CRISPLD2: variants seen among roughly 807,000 people sequenced by gnomAD.
CRISPLD2 encodes the protein cysteine rich secretory protein LCCL domain containing 2, also known as cysteine-rich secretory protein LCCL domain-containing 2.
CRISPLD2 carries 47 observed loss-of-function variants against 71.1 expected under a neutral mutation model. That is an observed-to-expected ratio of 0.66 (90% CI 0.52 to 0.84). CRISPLD2 has a LOEUF of 0.84. CRISPLD2 is among the 40% of genes least tolerant of loss of function. The pLI, the probability that CRISPLD2 is intolerant of heterozygous loss-of-function variation, is 0.00. For missense variants in CRISPLD2, 830 were observed against 651.1 expected, an observed-to-expected ratio of 1.27 and a Z score of -2.99; for synonymous variants, 317 against 250.1, an observed-to-expected ratio of 1.27 and a Z score of -2.52.
At chr16:84,858,086 G>T (rs1359616768) in intron 6 of CRISPLD2, among the ~76,000 whole-genome samples, 3 of 152,188 alleles carry the variant, frequency 2.0e-5, no homozygotes, top group Admixed American at 2.0e-4. Flanking sequence ...GAAGATGGCA[G>T]GGCCTTACTC....
chr16:84,849,268 T>A lies in CRISPLD2; in HGVS notation c.360-117T>A, dbSNP rs1055226201. ...CGGCTGCCCGTGGCTGCTCCTGGAA[T>A]TGGCCGCTATTCACCCTCCTCGGCC... On this transcript the variant is annotated intron_variant, in intron 3 of 14. Coordinates refer to ENST00000262424, the MANE Select transcript of CRISPLD2 (RefSeq NM_031476.4). The A allele has an allele frequency of 7.1e-6, 7 of 980,850 alleles. No individual in the cohort carries two copies. The African/African-American group carries it at 9.7e-5, about 14-fold the overall frequency. 60.8% of individuals were successfully genotyped at this position (980,850 alleles called of 1,614,324 possible).
chr16:84,857,180 A>T (rs1172552048), intron 6 of CRISPLD2, among the ~76,000 whole-genome samples: 1 of 152,202 alleles, frequency 6.6e-6, no homozygotes, highest in Non-Finnish European at 1.5e-5. Context: ...GTGGAGGTCC[A>T]TGTTGCTGAG....
chr16:84,847,166 G>A (rs539652066), intron 3 of CRISPLD2, among the ~76,000 whole-genome samples: 5 of 152,190 alleles, frequency 3.3e-5, no homozygotes, highest in Non-Finnish European at 5.9e-5. Context: ...GTAGGTGAGC[G>A]TTTGCTTTCA....
At chr16:84,825,116 A>G (rs1427462444) in intron 1 of CRISPLD2, among the ~76,000 whole-genome samples, 2 of 152,120 alleles carry the variant, frequency 1.3e-5, no homozygotes, top group East Asian at 3.9e-4. Flanking sequence ...CAAAACAAAA[A>G]CAAAATATGT....
chr16:84,845,576 A>G (rs1916889413), intron 2 of CRISPLD2, among the ~76,000 whole-genome samples: 1 of 152,256 alleles, frequency 6.6e-6, no homozygotes, highest in African/African-American at 2.4e-5. Flanking sequence ...CTGGCAAGTT[A>G]GAGGCCCAGC....
At chr16:84,836,280 A>G (rs1367060592) in intron 1 of CRISPLD2, 2 of 152,024 alleles carry the variant, frequency 1.3e-5, no homozygotes, top group Non-Finnish European at 2.9e-5. Context: ...CGCACTCTCA[A>G]CCTCAACCCA....
intron 14 of CRISPLD2, among the ~76,000 whole-genome samples, chr16:84,893,167 G>C (rs2934476): frequency 0.62 from 93,420 of 151,690 alleles, 29,762 homozygotes; most frequent in East Asian, 0.87. Context: ...TGCTCCCCCA[G>C]TCCCCAGCAG....
chr16:84,896,430 T>C (rs111263361), intron 14 of CRISPLD2, among the ~76,000 whole-genome samples: 133 of 152,248 alleles, frequency 8.7e-4, no homozygotes, highest in African/African-American at 2.4e-3. Context: ...ACAGACAGTC[T>C]TAGACACTTA....
At chr16:84,891,631 G>A (rs939754938) in intron 14 of CRISPLD2, among the ~76,000 whole-genome samples, 1 of 128,336 alleles carries the variant, frequency 7.8e-6, no homozygotes, top group Non-Finnish European at 1.6e-5. Flanking sequence ...CTCTTTGAGA[G>A]AAAACAGTCT....
At chr16:84,827,495 G>A (rs1214383013) in intron 1 of CRISPLD2, among the ~76,000 whole-genome samples, 2 of 151,082 alleles carry the variant, frequency 1.3e-5, no homozygotes, top group South Asian at 2.1e-4. Flanking sequence ...TCACGGTCAC[G>A]CCTCGACTGT....
At chr16:84,855,037 C>G (rs542081287) in intron 6 of CRISPLD2, among the ~76,000 whole-genome samples, 1 of 152,288 alleles carries the variant, frequency 6.6e-6, no homozygotes, top group East Asian at 1.9e-4. Context: ...TGGAGAGCCC[C>G]ACTGCCCCGA....
intron 2 of CRISPLD2, 151 bp from the exon 3 acceptor site, chr16:84,845,635 C>T (rs1169565006): frequency 1.4e-5 from 9 of 635,288 alleles, no homozygotes; most frequent in Non-Finnish European, 2.5e-5. Flanking sequence ...CCTGCCACGC[C>T]CCCCTGGCTG....
intron 14 of CRISPLD2, among the ~76,000 whole-genome samples, chr16:84,894,679 T>C (rs1319277768): frequency 1.3e-5 from 2 of 152,222 alleles, no homozygotes; most frequent in Non-Finnish European, 2.9e-5. Flanking sequence ...CTTATCCCAA[T>C]ATATCCATAT....
intron 1 of CRISPLD2, chr16:84,828,417 A>C (rs1221766453): frequency 6.6e-6 from 1 of 152,210 alleles, no homozygotes; most frequent in Admixed American, 6.5e-5. Context: ...GGCTTGAGGA[A>C]GTTGAGGCAT....
intron 14 of CRISPLD2, among the ~76,000 whole-genome samples, chr16:84,903,471 A>G (rs995340343): frequency 1.3e-5 from 2 of 152,100 alleles, no homozygotes; most frequent in Non-Finnish European, 2.9e-5. Context: ...GCATGCCTGT[A>G]ATTCCAGCTA....
intron 14 of CRISPLD2, among the ~76,000 whole-genome samples, chr16:84,899,963 G>A (rs1385408864): frequency 1.3e-5 from 2 of 152,082 alleles, no homozygotes; most frequent in Admixed American, 1.3e-4. Flanking sequence ...GTTCTCCCAG[G>A]ATATTCACTT....
chr16:84,834,303 G>A (rs184217180), intron 1 of CRISPLD2, among the ~76,000 whole-genome samples: 4 of 152,352 alleles, frequency 2.6e-5, no homozygotes, highest in East Asian at 1.9e-4. Flanking sequence ...TGGCAAGCCC[G>A]GGACCACTTG....
Position 84,867,051 on chromosome 16 carries a change from G to A in CRISPLD2, c.853+11G>A, listed in dbSNP as rs563094462. The A allele has an allele frequency of 1.2e-6, 2 of 1,609,750 alleles. No individual in the cohort carries two copies. Among genetic ancestry groups the A allele is most frequent in the East Asian group, 2.2e-5 (1 of 44,760 alleles). ...CGGTCAACTACATGAGTGAGTCTAG[G>A]CCGTCCTCCGCCCCTCCTGCCCTCC... On this transcript the variant is annotated intron_variant, in intron 7 of 14. Coordinates refer to ENST00000262424, the MANE Select transcript of CRISPLD2 (RefSeq NM_031476.4).
In CRISPLD2 at chr16:84,872,477, C is replaced by G. The variant is rs201861816; in HGVS notation, c.950C>G (p.Ala317Gly). 5.0e-6 allele frequency: 8 copies of G among 1,613,844 alleles called. No individual in the cohort carries two copies. The African/African-American group carries it at 9.3e-5, about 19-fold the overall frequency. ...CCAGCAGGCTGCCTGAACCACAAGG[C>G]GAAGATCTTTGGAACTCTGTTCTAT... ...QCPAGCLNHK[A>G]KIFGTLFYES... Residue 317 changes from alanine (A) to glycine (G), a missense_variant, in exon 9 of 15, where the codon GCG becomes GGG. Physicochemically the swap from Ala to Gly is moderately conservative, Grantham distance 60 (BLOSUM62 0). Coordinates refer to ENST00000262424, the MANE Select transcript of CRISPLD2 (RefSeq NM_031476.4).
Sources: gnomAD v4.1 joint callset for allele counts (sites outside exome capture counted in the v4.1 genomes callset) on GRCh38, gnomAD v4.1.1 for gene constraint, MANE v1.5 for transcripts, NCBI Gene and HGNC (gene_info 2026-07-23, HGNC 2026-07-21) for gene names.